CPAMD8: variants seen among roughly 807,000 people sequenced by gnomAD.
CPAMD8 encodes the protein C3 and PZP like alpha-2-macroglobulin domain containing 8, also known as C3 and PZP-like alpha-2-macroglobulin domain-containing protein 8.
In CPAMD8, 146 loss-of-function variants were observed where a neutral mutation model predicts 224.7. That is an observed-to-expected ratio of 0.65 (90% confidence interval 0.57 to 0.75). CPAMD8 has a LOEUF of 0.75. Among genes scored for constraint, CPAMD8 ranks in the 30% least tolerant of loss-of-function variants. The pLI is 0.00. For missense variants in CPAMD8, 2,301 were observed against 2,537.5 expected (o/e 0.91, Z 2.00); for synonymous variants, 966 against 1,044.6 (o/e 0.92, Z 1.45).
rs1363481694 is a variant in CPAMD8 at position 17,009,478 on chromosome 19, AGGG to A, written c.487-161_487-159del. On this transcript the variant is annotated intron_variant, in intron 5 of 41. Coordinates refer to ENST00000443236, the MANE Select transcript of CPAMD8 (RefSeq NM_015692.5). The stretch of plus-strand genomic sequence containing the variant: ...CATCCGTTGAATCCTAACCCCAAGT[AGGG>A]TCTTTAGAAAGACTCATTACAGGTG... 43 of 1,292,244 alleles carry A rather than the reference AGGG, an allele frequency of 3.3e-5. 1 individual carries two copies. Among genetic ancestry groups the A allele is most frequent in the Middle Eastern group, 1.9e-4 (1 of 5,168 alleles). The allele number at this position is 1,292,244 out of a possible 1,614,324, so 80.0% of individuals were successfully genotyped here.
intron 32 of CPAMD8, 50 bp downstream of exon 32, chr19:16,904,176 A>AGGGGCCCCCCCCCCCCC: frequency 1.1e-6 from 1 of 937,336 alleles, no homozygotes; most frequent in Non-Finnish European, 1.7e-6. Context: ...GACTGCAGGG[A>AGGGGCCCCCCCCCCCCC]CCCCACCCAC....
intron 3 of CPAMD8, among the ~76,000 whole-genome samples, chr19:17,015,942 C>T (rs2056800212): frequency 1.3e-5 from 2 of 152,152 alleles, no homozygotes; most frequent in Admixed American, 1.3e-4. Flanking sequence ...GAAGGACCTC[C>T]AGCCTTCTTT....
chr19:16,943,453 A>C (rs955999780), intron 22 of CPAMD8, among the ~76,000 whole-genome samples: 1 of 151,804 alleles, frequency 6.6e-6, no homozygotes, highest in Non-Finnish European at 1.5e-5. Context: ...TTCCAGGCTG[A>C]GTATAGTGGC....
chr19:16,918,362 C>T (rs1026812616), intron 27 of CPAMD8, among the ~76,000 whole-genome samples: 2 of 151,894 alleles, frequency 1.3e-5, no homozygotes, highest in Non-Finnish European at 2.9e-5. Context: ...CATGTCACTT[C>T]ATTTGCATGA....
At chr19:16,990,324 A>G (rs2055895981) in intron 12 of CPAMD8, among the ~76,000 whole-genome samples, 1 of 151,722 alleles carries the variant, frequency 6.6e-6, no homozygotes, top group South Asian at 2.1e-4. Flanking sequence ...GTGCATACCT[A>G]TAATCTCAGC....
At chr19:16,986,185 G>A (rs1414067776) in intron 13 of CPAMD8, among the ~76,000 whole-genome samples, 1 of 152,116 alleles carries the variant, frequency 6.6e-6, no homozygotes. Context: ...CCCTGCCGGG[G>A]CCCTGGCGCT....
At chr19:16,976,451 G>A (rs912423935) in intron 15 of CPAMD8, among the ~76,000 whole-genome samples, 1 of 151,934 alleles carries the variant, frequency 6.6e-6, no homozygotes, top group Admixed American at 6.6e-5. Context: ...ACCCCAGCCA[G>A]GGCAACAAGA....
chr19:16,972,609 T>C (rs959917900), intron 17 of CPAMD8, among the ~76,000 whole-genome samples: 1 of 152,116 alleles, frequency 6.6e-6, no homozygotes, highest in African/African-American at 2.4e-5. Context: ...TAATTTTTTG[T>C]ATTTTTAGTA....
intron 7 of CPAMD8, 67 bp downstream of exon 7, chr19:17,008,438 G>A: frequency 6.4e-7 from 1 of 1,573,748 alleles, no homozygotes. Flanking sequence ...CCTGGACAGA[G>A]CATATTCTGT....
chr19:16,972,074 G>A (rs1191489013), intron 17 of CPAMD8, among the ~76,000 whole-genome samples: 2 of 151,948 alleles, frequency 1.3e-5, no homozygotes, highest in African/African-American at 4.8e-5. Context: ...AAAGAAGGAA[G>A]GGGAAGTGAG....
intron 41 of CPAMD8, chr19:16,895,917 A>AC: frequency 1.7e-6 from 1 of 601,750 alleles, no homozygotes; most frequent in Admixed American, 2.2e-5. Context: ...ACACACACAC[A>AC]CACACACACA....
At chr19:16,978,370 G>C (rs1027148169) in intron 14 of CPAMD8, among the ~76,000 whole-genome samples, 2 of 152,112 alleles carry the variant, frequency 1.3e-5, no homozygotes, top group Non-Finnish European at 2.9e-5. Context: ...GGCTGCAGTG[G>C]GGTTAAATGG....
At chr19:17,007,861 C>CTA (rs1235419046) in intron 7 of CPAMD8, among the ~76,000 whole-genome samples, 3 of 152,200 alleles carry the variant, frequency 2.0e-5, no homozygotes, top group Non-Finnish European at 4.4e-5. Flanking sequence ...AATCTGCAAC[C>CTA]TATAGCAGGA....
At chr19:16,914,285 T>G (rs550486265) in intron 29 of CPAMD8, 139 bp downstream of exon 29, 2 of 662,990 alleles carry the variant, frequency 3.0e-6, no homozygotes, top group Admixed American at 2.5e-5. Flanking sequence ...CCATTGTTGA[T>G]GAAAAGCATG....
intron 5 of CPAMD8, 100 bp downstream of exon 5, chr19:17,011,357 TAGAAAAG>T: frequency 8.0e-7 from 1 of 1,248,812 alleles, no homozygotes; most frequent in Non-Finnish European, 1.2e-6. Context: ...TGAAAGAAAA[TAGAAAAG>T]AGAAGTTCTG....
chr19:16,894,650 G>T (rs2051888319), intron 41 of CPAMD8: 1 of 353,282 alleles, frequency 2.8e-6, no homozygotes, highest in South Asian at 2.0e-5. Context: ...ACAGTGATGG[G>T]CTCTGGGTGT....
intron 23 of CPAMD8, among the ~76,000 whole-genome samples, chr19:16,938,144 G>A (rs964933442): frequency 3.3e-5 from 5 of 152,124 alleles, no homozygotes; most frequent in Admixed American, 2.0e-4. Flanking sequence ...CATTCCCTGC[G>A]TATTCCCTGT....
intron 23 of CPAMD8, among the ~76,000 whole-genome samples, chr19:16,934,926 C>A (rs186762307): frequency 6.6e-6 from 1 of 152,058 alleles, no homozygotes; most frequent in Admixed American, 6.6e-5. Context: ...TCTTTTCATC[C>A]TGTAAAACTG....
intron 1 of CPAMD8, among the ~76,000 whole-genome samples, chr19:17,024,024 A>T (rs1033171400): frequency 1.3e-5 from 2 of 152,356 alleles, no homozygotes; most frequent in Middle Eastern, 3.4e-3. Flanking sequence ...ACACTAGAAG[A>T]AAACAAAGGA....
Sources: gnomAD v4.1 joint callset for allele counts (sites outside exome capture counted in the v4.1 genomes callset) on GRCh38, gnomAD v4.1.1 for gene constraint, MANE v1.5 for transcripts, NCBI Gene and HGNC (gene_info 2026-07-23, HGNC 2026-07-21) for gene names.